PPP2R2C: variants seen among roughly 807,000 people sequenced by gnomAD.
PPP2R2C encodes protein phosphatase 2 regulatory subunit Bgamma, also known as protein phosphatase 2, regulatory subunit B, gamma.
In PPP2R2C, 10 loss-of-function variants were observed where a neutral mutation model predicts 45.3. The observed-to-expected ratio is 0.22, with a 90% CI of 0.14 to 0.37. The LOEUF (loss-of-function observed/expected upper bound fraction) is 0.37, where lower values mean the gene tolerates loss of function less well. PPP2R2C is among the 10% of genes least tolerant of loss of function. The probability of loss-of-function intolerance (pLI) is 1.00; values close to 1 mark genes in which losing one functional copy is unlikely to be tolerated. For synonymous variants in PPP2R2C, 257 were observed against 245.4 expected, an observed-to-expected ratio of 1.05 and a Z score of -0.44; for missense variants, 308 against 619.7, an observed-to-expected ratio of 0.50 and a Z score of 5.34.
chr4:6,398,702 G>A (rs564882217), intron 1 of PPP2R2C, among the ~76,000 whole-genome samples: 8 of 152,194 alleles, frequency 5.3e-5, no homozygotes, highest in Non-Finnish European at 1.0e-4. Flanking sequence ...TTCTTAAAGC[G>A]TGAAAATAAG....
intron 1 of PPP2R2C, among the ~76,000 whole-genome samples, chr4:6,432,046 A>G: frequency 6.6e-6 from 1 of 152,168 alleles, no homozygotes; most frequent in East Asian, 1.9e-4. Flanking sequence ...ACCACCTCCC[A>G]AAGGCCCCAC....
chr4:6,557,622 G>A (rs537915420), intron 1 of PPP2R2C, among the ~76,000 whole-genome samples: 4 of 152,264 alleles, frequency 2.6e-5, no homozygotes, highest in Admixed American at 6.5e-5. Context: ...TACCAAGGTC[G>A]GGAAAAAGGC....
intron 1 of PPP2R2C, among the ~76,000 whole-genome samples, chr4:6,430,097 T>C (rs946604976): frequency 6.6e-5 from 10 of 152,164 alleles, no homozygotes; most frequent in African/African-American, 2.4e-4. Flanking sequence ...AGGCCTTGAA[T>C]TTCCATTTAA....
At chr4:6,477,861 C>T (rs1577212440) in intron 2 of PPP2R2C, among the ~76,000 whole-genome samples, 1 of 152,182 alleles carries the variant, frequency 6.6e-6, no homozygotes, top group East Asian at 1.9e-4. Flanking sequence ...TGTCGACATG[C>T]ACTCACACAG....
intron 1 of PPP2R2C, among the ~76,000 whole-genome samples, chr4:6,425,500 C>G (rs574039237): frequency 6.6e-6 from 1 of 152,218 alleles, no homozygotes; most frequent in African/African-American, 2.4e-5. Context: ...CCCACCAGCA[C>G]GAGCTCAGAA....
At chr4:6,509,039 C>A (rs1723338089) in intron 2 of PPP2R2C, among the ~76,000 whole-genome samples, 1 of 152,234 alleles carries the variant, frequency 6.6e-6, no homozygotes. Flanking sequence ...CAGACGAATC[C>A]TTTCCTCTTA....
At chr4:6,406,619 T>C (rs1471852465) in intron 1 of PPP2R2C, among the ~76,000 whole-genome samples, 2 of 151,422 alleles carry the variant, frequency 1.3e-5, no homozygotes, top group African/African-American at 2.4e-5. Context: ...TAGCTGGGTA[T>C]GGTGGCACGC....
intron 4 of PPP2R2C, 84 bp from the exon 5 acceptor site, chr4:6,372,784 C>A (rs1039737734): frequency 1.4e-6 from 2 of 1,417,256 alleles, no homozygotes; most frequent in African/African-American, 1.4e-5. Flanking sequence ...GTGATCCCAA[C>A]CGGAGGCTGG....
intron 1 of PPP2R2C, among the ~76,000 whole-genome samples, chr4:6,404,246 C>T (rs960886289): frequency 7.9e-5 from 12 of 152,150 alleles, no homozygotes; most frequent in African/African-American, 2.9e-4. Flanking sequence ...ACAAGTTCCC[C>T]AAAGCCCGGC....
chr4:6,349,238 C>G (rs2109229112), intron 5 of PPP2R2C: 1 of 985,444 alleles, frequency 1.0e-6, no homozygotes, highest in Non-Finnish European at 1.2e-6. Flanking sequence ...TCTGTTCCCT[C>G]TGACTCTTCA....
At chr4:6,406,810 A>C (rs1397384415) in intron 1 of PPP2R2C, among the ~76,000 whole-genome samples, 3 of 152,206 alleles carry the variant, frequency 2.0e-5, no homozygotes, top group Non-Finnish European at 4.4e-5. Context: ...AGGTATGTCC[A>C]CACTCTAATC....
At chr4:6,435,812 C>T (rs1335904901) in intron 1 of PPP2R2C, among the ~76,000 whole-genome samples, 4 of 152,168 alleles carry the variant, frequency 2.6e-5, no homozygotes, top group Non-Finnish European at 5.9e-5. Context: ...GAAAATATAG[C>T]TTGTCCATGT....
rs1235078477 is a variant in PPP2R2C at position 6,444,836 on chromosome 4, G to A, written c.70+27324C>T. 3.9e-5 allele frequency among the ~76,000 whole-genome samples: 6 copies of A among 152,334 alleles called. No individual in the cohort carries two copies. In the East Asian group the frequency reaches 1.2e-3, roughly 29 times the overall value. ...ACATGTCCACTGGACACACAAGCAG[G>A]TGGCAGGGATCGTTTCCATGTGTTC... On this transcript the variant is annotated intron_variant, in intron 1 of 8. Transcript: ENST00000382599.
intron 3 of PPP2R2C, among the ~76,000 whole-genome samples, chr4:6,377,179 A>G (rs1263836837): frequency 6.6e-6 from 1 of 152,210 alleles, no homozygotes; most frequent in East Asian, 1.9e-4. Flanking sequence ...AGGAGCGTGG[A>G]CGTCCTCGGG....
At chr4:6,460,308 G>A (rs569645964) in intron 1 of PPP2R2C, among the ~76,000 whole-genome samples, 2 of 152,310 alleles carry the variant, frequency 1.3e-5, no homozygotes, top group South Asian at 4.2e-4. Flanking sequence ...TAAGGACACA[G>A]ACACACACAG....
intron 2 of PPP2R2C, among the ~76,000 whole-genome samples, chr4:6,478,566 A>T (rs778597572): frequency 6.6e-6 from 1 of 152,126 alleles, no homozygotes; most frequent in Admixed American, 6.5e-5. Flanking sequence ...CACGCATGTG[A>T]TATGTTTTGT....
At chr4:6,489,436 G>C (rs1422827109) in intron 2 of PPP2R2C, among the ~76,000 whole-genome samples, 3 of 152,056 alleles carry the variant, frequency 2.0e-5, no homozygotes, top group African/African-American at 7.2e-5. Context: ...CTCATGCAGA[G>C]ATGGGATTCC....
At chr4:6,382,324 C>G (rs1352346053) in intron 1 of PPP2R2C, 1 of 1,292,488 alleles carries the variant, frequency 7.7e-7, no homozygotes, top group Non-Finnish European at 1.0e-6. Flanking sequence ...GTGATACCAC[C>G]TTTAGCAAAA....
intron 1 of PPP2R2C, among the ~76,000 whole-genome samples, chr4:6,464,575 G>A (rs1429220357): frequency 6.6e-6 from 1 of 152,168 alleles, no homozygotes; most frequent in African/African-American, 2.4e-5. Context: ...CAACCTCATT[G>A]GTATGCAGAC....
Sources: gnomAD v4.1 joint callset for allele counts (sites outside exome capture counted in the v4.1 genomes callset) on GRCh38, gnomAD v4.1.1 for gene constraint, MANE v1.5 for transcripts, NCBI Gene and HGNC (gene_info 2026-07-23, HGNC 2026-07-21) for gene names.